Variants in SPOCK1 observed in about 807,000 individuals in gnomAD.
SPOCK1 encodes the protein testican-1.
In SPOCK1, 23 loss-of-function variants were observed where a neutral mutation model predicts 55.3. The ratio of observed to expected loss-of-function variants is 0.42; its 90% confidence interval spans 0.30 to 0.59. The LOEUF (loss-of-function observed/expected upper bound fraction) is 0.59. SPOCK1 is among the 20% of genes least tolerant of loss of function. The pLI is 0.22. For synonymous variants in SPOCK1, 226 were observed against 221.0 expected (o/e 1.02, Z -0.20); for missense variants, 499 against 552.5 (o/e 0.90, Z 0.97).
chr5:137,141,598 A>C (rs1347904866), intron 3 of SPOCK1, among the ~76,000 whole-genome samples: 2 of 152,280 alleles, frequency 1.3e-5, no homozygotes, highest in East Asian at 3.8e-4. Flanking sequence ...ACGGGCATAT[A>C]AAATGATAAC....
In SPOCK1 at chr5:137,039,270, C is replaced by CTTTTTTTTTT. The variant is rs11479277; in HGVS notation, c.589+28435_589+28444dup. Among the ~76,000 whole-genome samples, 40 of 88,928 alleles carry CTTTTTTTTTT rather than the reference C, an allele frequency of 4.5e-4. 5 individuals carry two copies. The highest frequency in any genetic ancestry group is 5.4e-4 in the Non-Finnish European group (24 of 44,504). 58.3% of individuals were successfully genotyped at this position (88,928 alleles called of 152,430 possible). ...TCACTCTGCCTTTCTGCCTGCCACA[C>CTTTTTTTTTT]TTTTTTTTTTTTTTTTTTTTTTTTT... is the stretch of plus-strand genomic sequence containing the variant. On this transcript the variant is annotated intron_variant, in intron 6 of 10. Transcript: ENST00000394945.
chr5:137,244,506 G>C (rs1756357508), intron 3 of SPOCK1, among the ~76,000 whole-genome samples: 1 of 152,186 alleles, frequency 6.6e-6, no homozygotes, highest in Non-Finnish European at 1.5e-5. Flanking sequence ...CTTCCAAAAA[G>C]CCATAATACC....
At chr5:137,418,914 T>C (rs560292504) in intron 2 of SPOCK1, among the ~76,000 whole-genome samples, 2 of 152,232 alleles carry the variant, frequency 1.3e-5, no homozygotes, top group African/African-American at 4.8e-5. Context: ...GGTTTTCTTC[T>C]AGGGTTTTTA....
intron 2 of SPOCK1, among the ~76,000 whole-genome samples, chr5:137,282,302 T>C (rs892621): frequency 0.012 from 1,902 of 152,340 alleles, 37 homozygotes; most frequent in African/African-American, 0.043. Context: ...GATAGCTGCA[T>C]TGGAAAAGCG....
At chr5:137,092,676 C>A (rs1753072711) in intron 5 of SPOCK1, among the ~76,000 whole-genome samples, 1 of 152,226 alleles carries the variant, frequency 6.6e-6, no homozygotes, top group Non-Finnish European at 1.5e-5. Flanking sequence ...GAGGAACAAG[C>A]ACCCAGTCCT....
intron 3 of SPOCK1, among the ~76,000 whole-genome samples, chr5:137,198,066 T>C (rs1360492408): frequency 1.3e-5 from 2 of 152,258 alleles, no homozygotes; most frequent in Non-Finnish European, 2.9e-5. Context: ...TTTTCTGTTA[T>C]GAAATTGGGG....
intron 4 of SPOCK1, among the ~76,000 whole-genome samples, chr5:137,138,504 T>TACACACACACAC (rs34293195): frequency 2.4e-4 from 35 of 147,718 alleles, no homozygotes; most frequent in South Asian, 6.5e-4. Context: ...CACACAAACA[T>TACACACACACAC]ACACACACAC....
chr5:137,067,877 C>A, intron 5 of SPOCK1, 48 bp from the exon 6 acceptor site: 1 of 1,494,734 alleles, frequency 6.7e-7, no homozygotes, highest in Non-Finnish European at 9.3e-7. Context: ...CCATAACAGA[C>A]CCCTACCCCG....
At chr5:137,001,243 A>G (rs1751143264) in intron 6 of SPOCK1, among the ~76,000 whole-genome samples, 1 of 152,206 alleles carries the variant, frequency 6.6e-6, no homozygotes, top group Non-Finnish European at 1.5e-5. Context: ...GCACCAGGCC[A>G]CACTCAGTAG....
chr5:136,983,959 C>T (rs2126959314), intron 9 of SPOCK1, among the ~76,000 whole-genome samples: 1 of 152,290 alleles, frequency 6.6e-6, no homozygotes, highest in East Asian at 1.9e-4. Flanking sequence ...TTTTAATAAA[C>T]AGCAATGTAC....
intron 4 of SPOCK1, 148 bp downstream of exon 4, chr5:137,140,432 C>T: frequency 1.8e-6 from 1 of 550,738 alleles, no homozygotes; most frequent in Admixed American, 3.4e-5. Context: ...CTATCATAGT[C>T]AGAGTACAGG....
intron 5 of SPOCK1, among the ~76,000 whole-genome samples, chr5:137,081,471 C>T (rs532218616): frequency 6.6e-6 from 1 of 152,196 alleles, no homozygotes; most frequent in Non-Finnish European, 1.5e-5. Context: ...TAAGATCTCA[C>T]CTTGGGCTGA....
chr5:137,321,604 G>A (rs574660302), intron 2 of SPOCK1, among the ~76,000 whole-genome samples: 234 of 152,224 alleles, frequency 1.5e-3, no homozygotes, highest in African/African-American at 5.1e-3. Context: ...GGGCCAGGGC[G>A]GTGGTTCACG....
At chr5:137,405,174 T>C (rs1413568075) in intron 2 of SPOCK1, among the ~76,000 whole-genome samples, 1 of 152,238 alleles carries the variant, frequency 6.6e-6, no homozygotes, top group East Asian at 1.9e-4. Flanking sequence ...GAAGTTATTC[T>C]GAACTAAAAG....
intron 2 of SPOCK1, among the ~76,000 whole-genome samples, chr5:137,284,954 T>C (rs957104944): frequency 1.3e-5 from 2 of 152,188 alleles, no homozygotes; most frequent in Non-Finnish European, 2.9e-5. Context: ...AAAGCAGAAG[T>C]CTCGCTCATA....
At chr5:137,199,123 T>A (rs1755359851) in intron 3 of SPOCK1, among the ~76,000 whole-genome samples, 1 of 152,176 alleles carries the variant, frequency 6.6e-6, no homozygotes, top group Non-Finnish European at 1.5e-5. Context: ...GGAGGAAAAA[T>A]TCATCTTCCT....
intron 3 of SPOCK1, among the ~76,000 whole-genome samples, chr5:137,191,550 C>T (rs1460144748): frequency 6.6e-6 from 1 of 152,204 alleles, no homozygotes; most frequent in Non-Finnish European, 1.5e-5. Context: ...TCAAAACCTT[C>T]GCATGAATCA....
At chr5:137,148,181 G>T (rs1228195221) in intron 3 of SPOCK1, among the ~76,000 whole-genome samples, 1 of 152,140 alleles carries the variant, frequency 6.6e-6, no homozygotes, top group African/African-American at 2.4e-5. Context: ...CAGGTGTCCA[G>T]CCCTGGGTGA....
At chr5:137,370,353 G>A (rs1049894558) in intron 2 of SPOCK1, among the ~76,000 whole-genome samples, 8 of 152,116 alleles carry the variant, frequency 5.3e-5, no homozygotes, top group African/African-American at 1.4e-4. Flanking sequence ...TCTTAATCAC[G>A]TCCCTGCCAG....
Sources: gnomAD v4.1 joint callset for allele counts (sites outside exome capture counted in the v4.1 genomes callset) on GRCh38, gnomAD v4.1.1 for gene constraint, MANE v1.5 for transcripts, NCBI Gene and HGNC (gene_info 2026-07-23, HGNC 2026-07-21) for gene names.